SYT1: variants seen among roughly 807,000 people sequenced by gnomAD.
SYT1 encodes synaptotagmin 1.
Under a neutral mutation model 44.8 loss-of-function variants are expected in SYT1, and 8 were observed. That is an observed-to-expected ratio of 0.18 (90% CI 0.10 to 0.32). The LOEUF (loss-of-function observed/expected upper bound fraction) is 0.32, where lower values mean the gene tolerates loss of function less well. Ranked by LOEUF, SYT1 falls within the 10% of genes least tolerant of loss-of-function variation. SYT1 has a pLI of 1.00. For missense variants in SYT1, 286 were observed against 509.3 expected, an observed-to-expected ratio of 0.56 and a Z score of 4.22; for synonymous variants, 154 against 188.8, an observed-to-expected ratio of 0.82 and a Z score of 1.51.
intron 9 of SYT1, among the ~76,000 whole-genome samples, chr12:79,403,458 C>G (rs1885139380): frequency 6.6e-6 from 1 of 152,156 alleles, no homozygotes; most frequent in Admixed American, 6.6e-5. Context: ...TCTTTTTTCT[C>G]TTAAGGCTTC....
At chr12:78,870,786 C>T (rs1873781585) in intron 1 of SYT1, among the ~76,000 whole-genome samples, 1 of 151,998 alleles carries the variant, frequency 6.6e-6, no homozygotes, top group South Asian at 2.1e-4. Context: ...TCACTCCATG[C>T]CTACTGTGGG....
At chr12:79,139,026 G>A (rs1281919896) in intron 3 of SYT1, among the ~76,000 whole-genome samples, 2 of 151,976 alleles carry the variant, frequency 1.3e-5, no homozygotes, top group South Asian at 2.1e-4. Flanking sequence ...CATTTCCTTC[G>A]CCTCAGCCTC....
At chr12:79,203,241 C>CA (rs1382508549) in intron 3 of SYT1, among the ~76,000 whole-genome samples, 8 of 152,262 alleles carry the variant, frequency 5.3e-5, no homozygotes, top group Admixed American at 4.6e-4. Context: ...GGTTGATTAA[C>CA]ACAGCTGCTC....
intron 3 of SYT1, among the ~76,000 whole-genome samples, chr12:79,077,331 C>T (rs1412805985): frequency 6.6e-6 from 1 of 152,140 alleles, no homozygotes; most frequent in East Asian, 1.9e-4. Flanking sequence ...ACAGTGCATT[C>T]ACACTATTGT....
At chr12:78,983,842 T>G (rs1440294885) in intron 2 of SYT1, among the ~76,000 whole-genome samples, 1 of 152,038 alleles carries the variant, frequency 6.6e-6, no homozygotes, top group East Asian at 1.9e-4. Flanking sequence ...AGTGTAAAGT[T>G]TCTATAACTT....
At chr12:79,009,970 A>G (rs182746921) in intron 2 of SYT1, among the ~76,000 whole-genome samples, 105 of 152,240 alleles carry the variant, frequency 6.9e-4, no homozygotes, top group African/African-American at 2.5e-3. Context: ...AGCTCTGATA[A>G]TATTTCCAAC....
chr12:78,945,503 T>C lies in SYT1; in HGVS notation c.-216-32296T>C, dbSNP rs116244452. ...ATATATATATACACATTTCTTTCTT[T>C]CTTTCTTTATAAAATTACACAATTT... On this transcript the variant is annotated intron_variant, in intron 1 of 10. Transcript: ENST00000261205. 1.1e-3 allele frequency among the ~76,000 whole-genome samples: 168 copies of C among 151,760 alleles called. 1 individual carries two copies. The highest frequency in any genetic ancestry group is 3.9e-3 in the African/African-American group (161 of 41,458).
intron 1 of SYT1, among the ~76,000 whole-genome samples, chr12:78,934,153 CGT>C (rs1306449671): frequency 6.7e-6 from 1 of 148,402 alleles, no homozygotes; most frequent in African/African-American, 2.5e-5. Context: ...TGTGTATGTG[CGT>C]GTGTACACAC....
chr12:79,352,191 C>G (rs1286955969), intron 8 of SYT1, among the ~76,000 whole-genome samples: 3 of 150,444 alleles, frequency 2.0e-5, no homozygotes, highest in Non-Finnish European at 4.4e-5. Context: ...AATACACCCC[C>G]CCCCCAAAAA....
rs369055591 is a variant in SYT1, at chr12:79,125,599, A to G, written c.-18+78237A>G. On this transcript the variant is annotated intron_variant, in intron 3 of 10. Transcript: ENST00000261205. Reference sequence around the variant, plus strand: ...TGCACCACTGCACCCCAGCCTGGGCAACAGAACAAGCCCCTGTCAAAAAAA... The same window carrying G: ...TGCACCACTGCACCCCAGCCTGGGCGACAGAACAAGCCCCTGTCAAAAAAA... Among the ~76,000 whole-genome samples the G allele has an allele frequency of 5.3e-5, 8 of 151,448 alleles. 1 individual carries two copies. The highest frequency in any genetic ancestry group is 3.9e-4 in the East Asian group (2 of 5,150).
intron 3 of SYT1, among the ~76,000 whole-genome samples, chr12:79,065,828 G>A (rs1015225195): frequency 2.5e-4 from 38 of 152,000 alleles, no homozygotes; most frequent in Non-Finnish European, 4.7e-4. Context: ...TTGGTTTGAA[G>A]TTTTCCTTCT....
intron 9 of SYT1, chr12:79,419,449 G>T: frequency 3.0e-6 from 1 of 338,032 alleles, no homozygotes; most frequent in Non-Finnish European, 5.9e-6. Context: ...GGCTAACAAA[G>T]GATCTGAGGG....
intron 3 of SYT1, among the ~76,000 whole-genome samples, chr12:79,101,261 GGTATAACC>G (rs1318309910): frequency 6.6e-6 from 1 of 151,948 alleles, no homozygotes; most frequent in Non-Finnish European, 1.5e-5. Context: ...AACAAAATGT[GGTATAACC>G]GTACAATGGA....
intron 4 of SYT1, among the ~76,000 whole-genome samples, chr12:79,281,844 C>T (rs1351015365): frequency 2.6e-5 from 4 of 152,240 alleles, no homozygotes; most frequent in Admixed American, 2.0e-4. Context: ...AAAAGCCACA[C>T]ACATTTATTA....
intron 1 of SYT1, among the ~76,000 whole-genome samples, chr12:78,931,369 GAA>G: frequency 1.9e-5 from 2 of 103,896 alleles, no homozygotes; most frequent in Non-Finnish European, 3.9e-5. Context: ...AGGAAGGAAG[GAA>G]GGAAGGAAGG....
chr12:79,018,101 C>T (rs1024911020), intron 2 of SYT1, among the ~76,000 whole-genome samples: 6 of 151,768 alleles, frequency 4.0e-5, no homozygotes, highest in African/African-American at 1.5e-4. Context: ...ACCCAAATGT[C>T]CAACAATGAT....
At position 79,188,958 on chromosome 12, in the gene SYT1, AT is replaced by A. The variant is rs5799416; in HGVS notation, c.-17-28536del. ...GATCTGAGTATCAAATCACTAACCT[AT>A]TTTTTTTTATCTTGATGCTCAAGCT... On this transcript the variant is annotated intron_variant, in intron 3 of 10. Coordinates refer to ENST00000261205, the MANE Select transcript of SYT1 (RefSeq NM_005639.3). Among the ~76,000 whole-genome samples, 58 of 150,946 alleles carry A rather than the reference AT, an allele frequency of 3.8e-4. 1 individual carries two copies. In the South Asian group the frequency reaches 0.011, roughly 28 times the overall value.
chr12:79,338,001 C>T (rs2139035665), intron 8 of SYT1, among the ~76,000 whole-genome samples: 1 of 152,266 alleles, frequency 6.6e-6, no homozygotes, highest in Non-Finnish European at 1.5e-5. Context: ...ATGTGGTTGA[C>T]AGAGGGAGAA....
chr12:79,142,454 C>T (rs1293612768), intron 3 of SYT1, among the ~76,000 whole-genome samples: 7 of 152,138 alleles, frequency 4.6e-5, no homozygotes, highest in Non-Finnish European at 1.0e-4. Flanking sequence ...ATAAAGTATA[C>T]TAAAAATGTG....
Sources: gnomAD v4.1 joint callset for allele counts (sites outside exome capture counted in the v4.1 genomes callset) on GRCh38, gnomAD v4.1.1 for gene constraint, MANE v1.5 for transcripts, NCBI Gene and HGNC (gene_info 2026-07-23, HGNC 2026-07-21) for gene names.